The following ADCY2 variants were observed in gnomAD, a reference collection of about 807,000 sequenced individuals.
ADCY2 encodes the protein adenylate cyclase 2.
A neutral mutation model predicts 125.2 loss-of-function variants in ADCY2; 31 were observed. That is an observed-to-expected ratio of 0.25 (90% CI 0.19 to 0.33). The LOEUF (loss-of-function observed/expected upper bound fraction) is 0.33. ADCY2 is among the 10% of genes least tolerant of loss of function. The probability of loss-of-function intolerance (pLI) is 1.00; values close to 1 mark genes in which losing one functional copy is unlikely to be tolerated. For missense variants in ADCY2, 904 were observed against 1,418.2 expected (o/e 0.64, Z 5.82); for synonymous variants, 512 against 548.4 (o/e 0.93, Z 0.93).
intron 2 of ADCY2, among the ~76,000 whole-genome samples, chr5:7,426,167 T>C (rs955336977): frequency 2.0e-5 from 3 of 152,216 alleles, no homozygotes; most frequent in African/African-American, 7.2e-5. Context: ...TCTATTTTTG[T>C]CCAAAGATTA....
At chr5:7,560,085 T>C (rs1735661038) in intron 3 of ADCY2, among the ~76,000 whole-genome samples, 1 of 152,190 alleles carries the variant, frequency 6.6e-6, no homozygotes, top group South Asian at 2.1e-4. Context: ...ACTAGACATA[T>C]GTGCACTAAC....
At chr5:7,436,800 G>A (rs947669475) in intron 2 of ADCY2, among the ~76,000 whole-genome samples, 1 of 152,194 alleles carries the variant, frequency 6.6e-6, no homozygotes, top group Admixed American at 6.5e-5. Context: ...CAGCCTGTTT[G>A]GGACACTTTT....
intron 4 of ADCY2, among the ~76,000 whole-genome samples, chr5:7,652,937 C>T (rs746629953): frequency 3.3e-5 from 5 of 151,712 alleles, no homozygotes; most frequent in Admixed American, 2.6e-4. Context: ...GGAGAAGAAA[C>T]GTGTAGAAAA....
At chr5:7,554,136 A>G (rs1735432445) in intron 3 of ADCY2, among the ~76,000 whole-genome samples, 1 of 152,248 alleles carries the variant, frequency 6.6e-6, no homozygotes, top group South Asian at 2.1e-4. Flanking sequence ...GAATTTGTTT[A>G]TTAGTGATTT....
chr5:7,717,071 TA>T, intron 11 of ADCY2, 85 bp from the exon 12 acceptor site: 1 of 815,064 alleles, frequency 1.2e-6, no homozygotes, highest in Non-Finnish European at 2.0e-6. Flanking sequence ...CATAAGGATG[TA>T]AAATATTATG....
intron 2 of ADCY2, among the ~76,000 whole-genome samples, chr5:7,419,785 G>A (rs1740121244): frequency 6.6e-6 from 1 of 152,222 alleles, no homozygotes; most frequent in Non-Finnish European, 1.5e-5. Flanking sequence ...ACAGTGGCTT[G>A]AGTGTAGCTC....
chr5:7,780,877 G>T (rs980738190), intron 18 of ADCY2, among the ~76,000 whole-genome samples: 1 of 152,160 alleles, frequency 6.6e-6, no homozygotes, highest in Non-Finnish European at 1.5e-5. Context: ...TTGGGGTGTG[G>T]TGTTCTTTTG....
At position 7,570,397 on chromosome 5, in the gene ADCY2, T is replaced by C. The variant is rs368504201; in HGVS notation, c.570+49498T>C. On this transcript the variant is annotated intron_variant, in intron 3 of 24. Transcript: ENST00000338316. ...TTAAAAACCTTTTTTTCTTCAACATTTCATGTAACCACTGAAATTTAAACT... is the reference window on the plus strand; with the variant it reads ...TTAAAAACCTTTTTTTCTTCAACATCTCATGTAACCACTGAAATTTAAACT... Among the ~76,000 whole-genome samples the C allele has an allele frequency of 9.9e-5, 15 of 152,220 alleles. No homozygotes were observed. The East Asian group carries it at 1.2e-3, about 12-fold the overall frequency.
intron 3 of ADCY2, among the ~76,000 whole-genome samples, chr5:7,574,732 C>T (rs1232607873): frequency 6.6e-6 from 1 of 152,156 alleles, no homozygotes; most frequent in Non-Finnish European, 1.5e-5. Flanking sequence ...CATAGCAATG[C>T]TTTTCACATG....
At chr5:7,447,162 T>C (rs911102317) in intron 2 of ADCY2, among the ~76,000 whole-genome samples, 14 of 151,350 alleles carry the variant, frequency 9.3e-5, no homozygotes, top group African/African-American at 3.4e-4. Context: ...CACCCGACCT[T>C]ACTCAGAAGC....
At chr5:7,478,268 T>A (rs1431676122) in intron 2 of ADCY2, among the ~76,000 whole-genome samples, 1 of 152,178 alleles carries the variant, frequency 6.6e-6, no homozygotes, top group Non-Finnish European at 1.5e-5. Context: ...ACAAAAGGGT[T>A]AACAAGGATC....
chr5:7,630,630 T>G (rs987505621), intron 4 of ADCY2, among the ~76,000 whole-genome samples: 1 of 152,076 alleles, frequency 6.6e-6, no homozygotes, highest in African/African-American at 2.4e-5. Context: ...CAGGGCTGTT[T>G]TTTTCTGGAG....
intron 10 of ADCY2, 35 bp from the exon 11 acceptor site, chr5:7,712,821 G>A (rs1448587125): frequency 1.3e-6 from 2 of 1,484,920 alleles, no homozygotes; most frequent in South Asian, 1.2e-5. Context: ...CTTGAAACAT[G>A]TTTTGACAAT....
In ADCY2 at chr5:7,781,442, G is replaced by GAGATGGCC. The variant is rs553431199; in HGVS notation, c.2385-2920_2385-2913dup. On this transcript the variant is annotated intron_variant, in intron 18 of 24. Transcript: ENST00000338316. ...CCAGTATAAGTGATGCCCTCCTAAG[G>GAGATGGCC]AGATGGCCAGGTGAAGAGACAGACA... 1.9e-3 allele frequency among the ~76,000 whole-genome samples: 294 copies of GAGATGGCC among 152,318 alleles called. 3 individuals are homozygous for GAGATGGCC. Among genetic ancestry groups the GAGATGGCC allele is most frequent in the African/African-American group, 6.9e-3 (287 of 41,572 alleles).
At chr5:7,582,178 T>A (rs1256746961) in intron 3 of ADCY2, among the ~76,000 whole-genome samples, 1 of 152,156 alleles carries the variant, frequency 6.6e-6, no homozygotes, top group Admixed American at 6.5e-5. Flanking sequence ...CATTTTACAA[T>A]AATATCATTC....
intron 18 of ADCY2, among the ~76,000 whole-genome samples, chr5:7,778,328 A>G (rs1743808462): frequency 6.6e-6 from 1 of 152,152 alleles, no homozygotes; most frequent in African/African-American, 2.4e-5. Context: ...CATTATGTTA[A>G]CTCACCTGGA....
intron 2 of ADCY2, among the ~76,000 whole-genome samples, chr5:7,461,794 T>A (rs1288675202): frequency 3.9e-5 from 6 of 152,248 alleles, no homozygotes; most frequent in Non-Finnish European, 8.8e-5. Flanking sequence ...CCAAGCAACT[T>A]TAAAAATGTT....
At chr5:7,555,906 A>C (rs1735494905) in intron 3 of ADCY2, among the ~76,000 whole-genome samples, 1 of 151,904 alleles carries the variant, frequency 6.6e-6, no homozygotes, top group Admixed American at 6.6e-5. Context: ...TGGGTGATAA[A>C]CAATAAAATT....
At chr5:7,542,483 T>A (rs1440763452) in intron 3 of ADCY2, among the ~76,000 whole-genome samples, 1 of 152,178 alleles carries the variant, frequency 6.6e-6, no homozygotes, top group East Asian at 1.9e-4. Flanking sequence ...GAGAAAATGA[T>A]CCTGAGCTCT....
Sources: gnomAD v4.1 joint callset for allele counts (sites outside exome capture counted in the v4.1 genomes callset) on GRCh38, gnomAD v4.1.1 for gene constraint, MANE v1.5 for transcripts, NCBI Gene and HGNC (gene_info 2026-07-23, HGNC 2026-07-21) for gene names.